ARHGAP5: variants seen among roughly 807,000 people sequenced by gnomAD.
ARHGAP5 encodes Rho GTPase activating protein 5.
ARHGAP5 carries 23 observed loss-of-function variants against 116.6 expected under a neutral mutation model. The observed-to-expected ratio is 0.20, with a 90% confidence interval of 0.14 to 0.28. The LOEUF (loss-of-function observed/expected upper bound fraction) is 0.28. Among genes scored for constraint, ARHGAP5 ranks in the 10% least tolerant of loss-of-function variants. The pLI is 1.00. For missense variants in ARHGAP5, 1,405 were observed against 1,774.8 expected (o/e 0.79, Z 3.74); for synonymous variants, 574 against 602.0 (o/e 0.95, Z 0.68).
At chr14:32,102,207 GAGAA>G (rs759454213) in intron 2 of ARHGAP5, among the ~76,000 whole-genome samples, 3 of 152,236 alleles carry the variant, frequency 2.0e-5, no homozygotes, top group Non-Finnish European at 2.9e-5. Context: ...CCCCTTAGGG[GAGAA>G]AGTGAGAGTC....
In ARHGAP5 at chr14:32,090,798, C is replaced by T. The variant is rs1368221330; in HGVS notation, c.129C>T (p.Arg43=). The T allele has an allele frequency of 6.2e-7, 1 of 1,613,488 alleles. No individual in the cohort carries two copies. Among genetic ancestry groups the T allele is most frequent in the African/African-American group, 1.3e-5 (1 of 74,886 alleles). Residue 43 remains arginine, a synonymous_variant, in exon 2 of 7, where the codon CGC becomes CGT. Coordinates refer to ENST00000345122, the MANE Select transcript of ARHGAP5 (RefSeq NM_001030055.2). ...CTTGTTTGTGCAATAGATTTGTACG[C>T]TCAAAAGCAGATGAATATTATCCAG... is the stretch of plus-strand genomic sequence containing the variant. ...GKSCLCNRFV[R]SKADEYYPEH... is the part of the protein sequence containing the mutation.
chr14:32,080,775 ATT>A (rs113428317), intron 1 of ARHGAP5, among the ~76,000 whole-genome samples: 48 of 150,402 alleles, frequency 3.2e-4, no homozygotes, highest in African/African-American at 1.1e-3. Flanking sequence ...AAAAAGGATA[ATT>A]TTTTTTTTCC....
At chr14:32,125,810 G>T (rs1027732405) in intron 3 of ARHGAP5, among the ~76,000 whole-genome samples, 1 of 151,986 alleles carries the variant, frequency 6.6e-6, no homozygotes, top group Non-Finnish European at 1.5e-5. Flanking sequence ...TTTCAGTACC[G>T]TTTTGTAGTT....
intron 1 of ARHGAP5, among the ~76,000 whole-genome samples, chr14:32,085,589 A>C (rs2041821223): frequency 6.6e-6 from 1 of 152,132 alleles, no homozygotes; most frequent in Admixed American, 6.5e-5. Flanking sequence ...CTGCTTGCAA[A>C]AAGTTTGCCT....
At position 32,077,436 on chromosome 14, in the gene ARHGAP5, G is replaced by T; in HGVS notation, c.-169+1G>T. ...AGACGGAGGAGACCGACGTTGTTAG[G>T]TAGGACCTTGCGGACCCCGCTCCTC... On this transcript the variant is annotated splice_donor_variant, in intron 1 of 6. Transcript: ENST00000345122. LOFTEE classifies it low-confidence loss of function (5UTR_SPLICE). The T allele has an allele frequency of 1.4e-6, 1 of 703,662 alleles. No homozygotes were observed. The highest frequency in any genetic ancestry group is 2.6e-6 in the Non-Finnish European group (1 of 385,888). 43.6% of individuals were successfully genotyped at this position (703,662 alleles called of 1,614,324 possible).
At chr14:32,152,896 T>C (rs1848964525) in intron 6 of ARHGAP5, among the ~76,000 whole-genome samples, 3 of 152,108 alleles carry the variant, frequency 2.0e-5, no homozygotes, top group African/African-American at 7.2e-5. Context: ...TCTTCCTAAG[T>C]CTTGATTGTC....
intron 4 of ARHGAP5, among the ~76,000 whole-genome samples, chr14:32,148,722 A>T (rs540296580): frequency 6.6e-6 from 1 of 152,180 alleles, no homozygotes; most frequent in East Asian, 1.9e-4. Context: ...TGATTTGGCA[A>T]TTTTTTTAAT....
At position 32,093,102 on chromosome 14, in the gene ARHGAP5, A is replaced by G. The variant is rs1183740579; in HGVS notation, c.2433A>G (p.Gly811=). ...ATTCTTGCAGTGCTGCTCAAGCTGGACAGAATAATTCCCTAATGCTTGATA... is the reference window on the plus strand; with the variant it reads ...ATTCTTGCAGTGCTGCTCAAGCTGGGCAGAATAATTCCCTAATGCTTGATA... The part of the protein sequence containing the change: ...DSHSCSAAQA[G]QNNSLMLDKI... The change falls in exon 2 of 7, where the codon GGA becomes GGG. Residue 811 remains glycine (G), a synonymous_variant. Transcript: ENST00000345122. The G allele has an allele frequency of 8.7e-6, 14 of 1,613,996 alleles. No homozygotes were observed. The highest frequency in any genetic ancestry group is 1.2e-5 in the Non-Finnish European group (14 of 1,179,942).
intron 3 of ARHGAP5, among the ~76,000 whole-genome samples, chr14:32,134,960 C>T (rs1193857176): frequency 4.6e-5 from 7 of 152,150 alleles, no homozygotes; most frequent in Admixed American, 4.6e-4. Context: ...ATATTTAATT[C>T]TCCCAGTTGT....
intron 3 of ARHGAP5, among the ~76,000 whole-genome samples, chr14:32,132,303 T>G (rs1325336928): frequency 6.6e-6 from 1 of 152,222 alleles, no homozygotes; most frequent in African/African-American, 2.4e-5. Context: ...GGTATCTTAT[T>G]GTGGTTTTGA....
chr14:32,154,613 A>C lies in ARHGAP5; in HGVS notation c.4182-8A>C, dbSNP rs1162874708. On this transcript the variant is annotated splice_region_variant and splice_polypyrimidine_tract_variant and intron_variant, in intron 6 of 6. Coordinates refer to ENST00000345122, the MANE Select transcript of ARHGAP5 (RefSeq NM_001030055.2). Reference sequence around the variant, plus strand: ...ATTTCTAAATGTTTTTTCCTTTCATAATTTCAGGGTTAGTCAGCAACATAA... The same window carrying C: ...ATTTCTAAATGTTTTTTCCTTTCATCATTTCAGGGTTAGTCAGCAACATAA... The C allele has an allele frequency of 1.3e-6, 2 of 1,578,810 alleles. No individual in the cohort carries two copies. The highest frequency in any genetic ancestry group is 2.7e-5 in the African/African-American group (2 of 73,028).
At chr14:32,088,333 A>G (rs1172135575) in intron 1 of ARHGAP5, among the ~76,000 whole-genome samples, 1 of 151,908 alleles carries the variant, frequency 6.6e-6, no homozygotes, top group East Asian at 1.9e-4. Flanking sequence ...TTTGATGTAC[A>G]TTTTAAAGTA....
chr14:32,092,971 C>G lies in ARHGAP5; in HGVS notation c.2302C>G (p.Pro768Ala). The change falls in exon 2 of 7, where the codon CCT (proline) becomes GCT (alanine). Residue 768 changes from proline (P) to alanine (A), a missense_variant. By Grantham distance (27) the Pro-to-Ala change is conservative. Around this residue, in one of 6 missense-constraint regions of ARHGAP5, gnomAD observed 944 missense variants for 1,095.3 expected, o/e 0.86. Coordinates refer to ENST00000345122, the MANE Select transcript of ARHGAP5 (RefSeq NM_001030055.2). This position sits in a 1 kb window ranked among gnomAD's most constrained non-coding sequence, Gnocchi z 4.1. Reference sequence around the variant, plus strand: ...CAATTTGGATGTGGTGAGCCCAATTCCTGCCAATAAGGACTTATCAGAAGC... The same window carrying G: ...CAATTTGGATGTGGTGAGCCCAATTGCTGCCAATAAGGACTTATCAGAAGC... ...KHNLDVVSPI[P>A]ANKDLSEADL... The G allele has an allele frequency of 6.2e-7, 1 of 1,614,012 alleles. No individual in the cohort carries two copies. Among genetic ancestry groups the G allele is most frequent in the Non-Finnish European group, 8.5e-7 (1 of 1,179,938 alleles).
At chr14:32,143,236 G>GTTATTATTATTATTA (rs765079635) in intron 3 of ARHGAP5, among the ~76,000 whole-genome samples, 111 of 143,626 alleles carry the variant, frequency 7.7e-4, no homozygotes, top group African/African-American at 2.9e-3. Flanking sequence ...TGTTGTTGTT[G>GTTATTATTATTATTA]TTGTTATTAT....
At chr14:32,109,424 T>G (rs1007466169) in intron 2 of ARHGAP5, among the ~76,000 whole-genome samples, 4 of 152,170 alleles carry the variant, frequency 2.6e-5, no homozygotes, top group African/African-American at 9.6e-5. Flanking sequence ...GTACCTGTTA[T>G]GCAGTAGTGT....
Position 32,093,449 on chromosome 14 carries a change from A to G in ARHGAP5, c.2780A>G (p.Gln927Arg). 1 of 1,613,610 alleles carries G rather than the reference A, an allele frequency of 6.2e-7. No homozygotes were observed. The highest frequency in any genetic ancestry group is 8.5e-7 in the Non-Finnish European group (1 of 1,179,830). The change falls in exon 2 of 7, where the codon CAA becomes CGA. Residue 927 changes from glutamine to arginine, a missense_variant. Transcript: ENST00000345122. ...TATTCTTTATCTCAGTATCATCGGC[A>G]AACTGAGGTCTTTACTCTGTTTTTT... ...ALYSLSQYHR[Q>R]TEVFTLFFSD...
At chr14:32,130,650 C>T (rs1369035258) in intron 3 of ARHGAP5, among the ~76,000 whole-genome samples, 1 of 152,222 alleles carries the variant, frequency 6.6e-6, no homozygotes, top group East Asian at 1.9e-4. Flanking sequence ...AAACGATTCT[C>T]CTGCTTCAGC....
At position 32,117,293 on chromosome 14, in the gene ARHGAP5, A is replaced by T. The variant is rs374613303; in HGVS notation, c.3865+6A>T. Reference sequence around the variant, plus strand: ...GGAATTTATTGAAGATACAGGTAGGATAGAAGAATCATTGCAAGAGATTTG... The same window carrying T: ...GGAATTTATTGAAGATACAGGTAGGTTAGAAGAATCATTGCAAGAGATTTG... On this transcript the variant is annotated splice_donor_region_variant and intron_variant, in intron 3 of 6. Transcript: ENST00000345122. The T allele has an allele frequency of 7.0e-6, 11 of 1,571,136 alleles. No homozygotes were observed. Among genetic ancestry groups the T allele is most frequent in the Middle Eastern group, 1.7e-4 (1 of 5,898 alleles).
Position 32,090,862 on chromosome 14 carries a change from C to T in ARHGAP5, c.193C>T (p.Arg65Ter). 1 of 1,613,420 alleles carries T rather than the reference C, an allele frequency of 6.2e-7. No homozygotes were observed. The highest frequency in any genetic ancestry group is 1.3e-5 in the African/African-American group (1 of 74,924). Reference sequence around the variant, plus strand: ...GCTTAGCACCATTGACTTTGGAGGACGAGTAGTAAACAATGATCACTTTTT... The same window carrying T: ...GCTTAGCACCATTGACTTTGGAGGATGAGTAGTAAACAATGATCACTTTTT... The part of the protein sequence containing the change: ...SVLSTIDFGG[R>*]VVNNDHFLYW... Residue 65 changes from arginine to a stop codon, truncating the protein, a stop_gained, in exon 2 of 7, where the codon CGA becomes TGA. Coordinates refer to ENST00000345122, the MANE Select transcript of ARHGAP5 (RefSeq NM_001030055.2). LOFTEE classifies it high-confidence loss of function.
Sources: allele counts gnomAD v4.1 joint callset (sites outside exome capture counted in the v4.1 genomes callset), GRCh38; gene constraint gnomAD v4.1.1; regional missense constraint gnomAD v4.1.1; non-coding constraint Gnocchi (gnomAD v3.1); transcripts MANE v1.5; gene names NCBI Gene and HGNC (gene_info 2026-07-23, HGNC 2026-07-21).